Variants in LRP1B observed in about 807,000 individuals in gnomAD.
LRP1B encodes low-density lipoprotein receptor-related protein 1B.
Under a neutral mutation model 556.6 loss-of-function variants are expected in LRP1B, and 217 were observed. The observed-to-expected ratio is 0.39, with a 90% confidence interval of 0.35 to 0.44. LRP1B has a LOEUF of 0.44. LRP1B is among the 20% of genes least tolerant of loss of function. LRP1B has a pLI of 1.00. For missense variants in LRP1B, 5,053 were observed against 5,620.8 expected (o/e 0.90, Z 3.23); for synonymous variants, 2,047 against 1,865.8 (o/e 1.10, Z -2.50).
intron 21 of LRP1B, among the ~76,000 whole-genome samples, chr2:140,913,027 A>C (rs1694468611): frequency 6.6e-6 from 1 of 151,922 alleles, no homozygotes; most frequent in East Asian, 1.9e-4. Context: ...TATTAAGAAT[A>C]ATAATATTAA....
At chr2:140,298,022 T>C in intron 83 of LRP1B, 53 bp from the exon 84 acceptor site, 5 of 1,498,450 alleles carry the variant, frequency 3.3e-6, no homozygotes, top group Non-Finnish European at 4.5e-6. Context: ...AAATAGTTTA[T>C]TTTCAAGGAA....
intron 7 of LRP1B, among the ~76,000 whole-genome samples, chr2:141,183,438 G>T (rs190284034): frequency 6.6e-6 from 1 of 152,014 alleles, no homozygotes. Flanking sequence ...AGCTTCAACA[G>T]GTGGGTGATG....
chr2:140,771,970 T>C (rs150668739), intron 33 of LRP1B, among the ~76,000 whole-genome samples: 86 of 152,304 alleles, frequency 5.6e-4, no homozygotes, highest in African/African-American at 2.1e-3. Flanking sequence ...CTGATGAGAT[T>C]TAATTGTTCA....
At chr2:140,665,997 T>A (rs201503749) in intron 41 of LRP1B, among the ~76,000 whole-genome samples, 12,782 of 150,524 alleles carry the variant, frequency 0.085, 675 homozygotes, top group East Asian at 0.24. Context: ...AAAAAAAATT[T>A]TTTTTTTTTT....
chr2:141,087,545 A>G (rs145689147), intron 7 of LRP1B, among the ~76,000 whole-genome samples: 3 of 152,364 alleles, frequency 2.0e-5, no homozygotes, highest in Admixed American at 2.0e-4. Context: ...GCAATGTACA[A>G]TAAGCAAAAG....
chr2:140,720,919 A>G (rs990663955), intron 35 of LRP1B, among the ~76,000 whole-genome samples: 1 of 152,134 alleles, frequency 6.6e-6, no homozygotes, highest in Admixed American at 6.5e-5. Flanking sequence ...AGATATAATA[A>G]CAGGGTAGAA....
intron 1 of LRP1B, among the ~76,000 whole-genome samples, chr2:141,892,248 A>G (rs1029550724): frequency 6.6e-6 from 1 of 152,044 alleles, no homozygotes; most frequent in Admixed American, 6.6e-5. Flanking sequence ...TATTTTTAAT[A>G]AAGGTTAAAT....
At chr2:140,772,066 C>T (rs528966320) in intron 33 of LRP1B, among the ~76,000 whole-genome samples, 73 of 152,270 alleles carry the variant, frequency 4.8e-4, no homozygotes, top group African/African-American at 1.6e-3. Flanking sequence ...GTACCACATT[C>T]GCTGCTCATG....
intron 2 of LRP1B, among the ~76,000 whole-genome samples, chr2:141,741,712 T>C (rs888283510): frequency 4.6e-5 from 7 of 152,172 alleles, no homozygotes; most frequent in African/African-American, 1.7e-4. Flanking sequence ...AGATGGGTAG[T>C]TTGCCAATAA....
chr2:141,935,672 T>G (rs185904248), intron 1 of LRP1B, among the ~76,000 whole-genome samples: 82 of 152,278 alleles, frequency 5.4e-4, no homozygotes, highest in African/African-American at 1.9e-3. Context: ...TAAGAAAACA[T>G]CTAGCTGCTC....
chr2:140,724,966 C>T (rs1687540570), intron 35 of LRP1B, among the ~76,000 whole-genome samples: 1 of 152,036 alleles, frequency 6.6e-6, no homozygotes, highest in Non-Finnish European at 1.5e-5. Context: ...TGTCATTTAT[C>T]CTCAGTGAAC....
chr2:141,165,067 T>C (rs1024255856), intron 7 of LRP1B, among the ~76,000 whole-genome samples: 5 of 152,086 alleles, frequency 3.3e-5, no homozygotes, highest in African/African-American at 9.6e-5. Context: ...AATATCTTCA[T>C]TGATAGATAG....
chr2:140,899,867 G>T (rs186651131), intron 23 of LRP1B, among the ~76,000 whole-genome samples: 146 of 152,146 alleles, frequency 9.6e-4, no homozygotes, highest in African/African-American at 3.3e-3. Flanking sequence ...TTTTCTTGAA[G>T]ATTTGTTAGA....
At chr2:141,635,559 G>A (rs944389048) in intron 2 of LRP1B, among the ~76,000 whole-genome samples, 1 of 152,084 alleles carries the variant, frequency 6.6e-6, no homozygotes, top group Non-Finnish European at 1.5e-5. Context: ...ATATGTATGT[G>A]GAAGAGATTT....
intron 3 of LRP1B, among the ~76,000 whole-genome samples, chr2:141,351,149 G>A (rs1688429554): frequency 6.6e-6 from 1 of 151,986 alleles, no homozygotes. Flanking sequence ...AACTTGGCAT[G>A]ATGGATATAA....
chr2:141,695,479 T>C (rs1200607262), intron 2 of LRP1B, among the ~76,000 whole-genome samples: 1 of 151,938 alleles, frequency 6.6e-6, no homozygotes, highest in African/African-American at 2.4e-5. Flanking sequence ...TCACAATAAA[T>C]TTATAAAGCA....
At chr2:141,925,396 T>A (rs540360975) in intron 1 of LRP1B, among the ~76,000 whole-genome samples, 1 of 152,250 alleles carries the variant, frequency 6.6e-6, no homozygotes, top group South Asian at 2.1e-4. Flanking sequence ...CACAGGAAGG[T>A]CATGCCTCTA....
At chr2:140,716,368 G>A (rs1357226282) in intron 36 of LRP1B, among the ~76,000 whole-genome samples, 1 of 151,962 alleles carries the variant, frequency 6.6e-6, no homozygotes, top group Non-Finnish European at 1.5e-5. Context: ...CCTACCTAAA[G>A]AAAATACCTA....
At chr2:142,120,391 C>A (rs538716690) in intron 1 of LRP1B, among the ~76,000 whole-genome samples, 1 of 152,108 alleles carries the variant, frequency 6.6e-6, no homozygotes, top group African/African-American at 2.4e-5. Flanking sequence ...GGATTACAGG[C>A]GTGAGCCACC....
Sources: gnomAD v4.1 joint callset for allele counts (sites outside exome capture counted in the v4.1 genomes callset) on GRCh38, gnomAD v4.1.1 for gene constraint, MANE v1.5 for transcripts, NCBI Gene and HGNC (gene_info 2026-07-23, HGNC 2026-07-21) for gene names.